ADAM18: variants seen among roughly 807,000 people sequenced by gnomAD.
The protein encoded by ADAM18 is disintegrin and metalloproteinase domain-containing protein 18.
A neutral mutation model predicts 94.4 loss-of-function variants in ADAM18; 117 were observed. The ratio of observed to expected loss-of-function variants is 1.24; its 90% confidence interval spans 1.07 to 1.45. The LOEUF is 1.45. Among genes scored for constraint, ADAM18 ranks in the 40% most tolerant of loss-of-function variants. ADAM18 has a pLI of 0.00. For missense variants in ADAM18, 936 were observed against 880.0 expected (o/e 1.06, Z -0.81); for synonymous variants, 327 against 291.6 (o/e 1.12, Z -1.24).
At chr8:39,611,257 C>A in intron 6 of ADAM18, 1 of 501,434 alleles carries the variant, frequency 2.0e-6, no homozygotes, top group Non-Finnish European at 2.6e-6. Context: ...TGAGTTGCTT[C>A]TCTTTTGTTT....
intron 18 of ADAM18, among the ~76,000 whole-genome samples, chr8:39,712,507 C>G (rs1822442160): frequency 6.6e-6 from 1 of 152,012 alleles, no homozygotes; most frequent in South Asian, 2.1e-4. Flanking sequence ...CAAATTGTCC[C>G]TGTTTGCAGA....
chr8:39,620,375 C>CAAAAAAAAAAAAAAAAAAAAAAAAAAAA (rs376218269), intron 6 of ADAM18, among the ~76,000 whole-genome samples: 1 of 88,796 alleles, frequency 1.1e-5, no homozygotes, highest in African/African-American at 5.1e-5. Context: ...AAAAAAAAAA[C>CAAAAAAAAAAAAAAAAAAAAAAAAAAAA]AAAAAAAAAT....
intron 6 of ADAM18, among the ~76,000 whole-genome samples, chr8:39,616,181 A>G (rs532654570): frequency 6.6e-6 from 1 of 152,264 alleles, no homozygotes; most frequent in East Asian, 1.9e-4. Flanking sequence ...AGGCAGGCAG[A>G]TGATCTGTTG....
intron 2 of ADAM18, among the ~76,000 whole-genome samples, chr8:39,593,058 T>A (rs1818623813): frequency 1.3e-5 from 2 of 152,214 alleles, no homozygotes; most frequent in South Asian, 4.1e-4. Flanking sequence ...TATGGAGATA[T>A]CTTCTTAAAT....
chr8:39,598,623 C>A (rs1818810006), intron 2 of ADAM18, among the ~76,000 whole-genome samples: 1 of 151,660 alleles, frequency 6.6e-6, no homozygotes, highest in African/African-American at 2.4e-5. Flanking sequence ...TGAAAATTAA[C>A]AGGATGTGGT....
intron 12 of ADAM18, among the ~76,000 whole-genome samples, chr8:39,657,051 A>G (rs2129579879): frequency 6.6e-6 from 1 of 152,338 alleles, no homozygotes; most frequent in Middle Eastern, 3.4e-3. Context: ...CATTCATATC[A>G]TAATAGCAAA....
At chr8:39,623,427 G>A (rs1327906725) in intron 6 of ADAM18, among the ~76,000 whole-genome samples, 2 of 151,738 alleles carry the variant, frequency 1.3e-5, no homozygotes, top group African/African-American at 4.8e-5. Flanking sequence ...CATAGTAGTT[G>A]TACTAATTTA....
chr8:39,610,048 G>GA (rs539763882), intron 5 of ADAM18, among the ~76,000 whole-genome samples: 138 of 152,118 alleles, frequency 9.1e-4, no homozygotes, highest in Non-Finnish European at 1.8e-3. Context: ...CCGGAGCAGA[G>GA]AAAAAATGCT....
intron 7 of ADAM18, 89 bp from the exon 8 acceptor site, chr8:39,637,175 C>T: frequency 9.9e-7 from 1 of 1,008,698 alleles, no homozygotes. Flanking sequence ...CTCTAGATTA[C>T]TTATAATATC....
intron 6 of ADAM18, among the ~76,000 whole-genome samples, chr8:39,628,310 G>A (rs1819829989): frequency 6.6e-6 from 1 of 151,634 alleles, no homozygotes. Context: ...CAGTATACAT[G>A]TATACACAAA....
At chr8:39,591,971 A>T (rs1404608709) in intron 2 of ADAM18, among the ~76,000 whole-genome samples, 45 of 152,234 alleles carry the variant, frequency 3.0e-4, no homozygotes, top group Non-Finnish European at 1.2e-4. Flanking sequence ...CTCCTAGGTG[A>T]CCAGGTACAT....
intron 6 of ADAM18, among the ~76,000 whole-genome samples, chr8:39,618,996 G>A (rs1051318992): frequency 6.6e-6 from 1 of 152,010 alleles, no homozygotes; most frequent in Non-Finnish European, 1.5e-5. Context: ...TAGTTTCAGG[G>A]GGTCTCCCTA....
intron 16 of ADAM18, among the ~76,000 whole-genome samples, chr8:39,688,396 T>A (rs1006946131): frequency 6.6e-6 from 1 of 152,148 alleles, no homozygotes; most frequent in African/African-American, 2.4e-5. Flanking sequence ...GCCTCCACCC[T>A]ACCAAAGACC....
chr8:39,595,721 A>G (rs1284335797), intron 2 of ADAM18, among the ~76,000 whole-genome samples: 1 of 151,950 alleles, frequency 6.6e-6, no homozygotes, highest in Non-Finnish European at 1.5e-5. Context: ...ATGGGGTTTC[A>G]CCATGTTGGC....
At chr8:39,655,744 A>T (rs1221447218) in intron 12 of ADAM18, among the ~76,000 whole-genome samples, 1 of 152,140 alleles carries the variant, frequency 6.6e-6, no homozygotes, top group African/African-American at 2.4e-5. Flanking sequence ...AACCCAAAAT[A>T]ATCTAGAAAT....
At chr8:39,606,651 A>G (rs1017367679) in intron 3 of ADAM18, among the ~76,000 whole-genome samples, 1 of 152,190 alleles carries the variant, frequency 6.6e-6, no homozygotes. Flanking sequence ...GTTATATATT[A>G]AGTATATCTG....
Position 39,645,356 on chromosome 8 carries a change from T to A in ADAM18, c.928T>A (p.Leu310Met), listed in dbSNP as rs1820349294. The A allele has an allele frequency of 1.9e-6, 3 of 1,611,592 alleles. No homozygotes were observed. The highest frequency in any genetic ancestry group is 2.5e-6 in the Non-Finnish European group (3 of 1,178,732). Residue 310 changes from leucine to methionine, a missense_variant, in exon 11 of 20, where the codon TTG becomes ATG. Physicochemically the swap from Leu to Met is conservative, Grantham distance 15. Coordinates refer to ENST00000265707, the MANE Select transcript of ADAM18 (RefSeq NM_014237.3). ...ATTTTAGTATCCAGATGCAATAGGT[T>A]TGGAGGGATTTTCGGTTATTATAGC... is the stretch of plus-strand genomic sequence containing the variant. ...GIAMYPDAIG[L>M]EGFSVIIAQL...
intron 17 of ADAM18, among the ~76,000 whole-genome samples, chr8:39,693,173 T>A (rs1332260198): frequency 6.6e-6 from 1 of 151,618 alleles, no homozygotes. Context: ...ATATTGCAGT[T>A]CCATTTATTA....
chr8:39,587,689 A>C (rs1818445265), intron 2 of ADAM18, among the ~76,000 whole-genome samples: 1 of 152,032 alleles, frequency 6.6e-6, no homozygotes, highest in African/African-American at 2.4e-5. Context: ...CAAGTGATAC[A>C]CCAGACTCGG....
Sources: allele counts gnomAD v4.1 joint callset (sites outside exome capture counted in the v4.1 genomes callset), GRCh38; gene constraint gnomAD v4.1.1; transcripts MANE v1.5; gene names NCBI Gene and HGNC (gene_info 2026-07-23, HGNC 2026-07-21).